The following WDHD1 variants were observed in gnomAD, a reference collection of about 807,000 sequenced individuals.
The protein encoded by WDHD1 is WD repeat and HMG-box DNA-binding protein 1.
A neutral mutation model predicts 135.4 loss-of-function variants in WDHD1; 111 were observed. That is an observed-to-expected ratio of 0.82 (90% CI 0.70 to 0.96). The LOEUF is 0.96. Ranked by LOEUF, WDHD1 falls within the 40% of genes least tolerant of loss-of-function variation. The pLI is 0.00. For synonymous variants in WDHD1, 434 were observed against 439.0 expected, an observed-to-expected ratio of 0.99 and a Z score of 0.14; for missense variants, 1,351 against 1,336.3, an observed-to-expected ratio of 1.01 and a Z score of -0.17.
intron 21 of WDHD1, among the ~76,000 whole-genome samples, chr14:54,958,194 T>C (rs1330053501): frequency 2.0e-5 from 3 of 151,030 alleles, no homozygotes; most frequent in Non-Finnish European, 4.4e-5. Flanking sequence ...TGGTGTGATC[T>C]CGGCTCACTG....
intron 15 of WDHD1, among the ~76,000 whole-genome samples, chr14:54,982,745 C>A (rs1404934850): frequency 6.6e-6 from 1 of 152,134 alleles, no homozygotes; most frequent in Non-Finnish European, 1.5e-5. Flanking sequence ...ATAGAAAACA[C>A]ATTTAGAAAT....
chr14:54,966,678 T>A, intron 17 of WDHD1, 72 bp from the exon 18 acceptor site: 1 of 1,442,312 alleles, frequency 6.9e-7, no homozygotes, highest in Non-Finnish European at 9.3e-7. Flanking sequence ...ATATTTATCT[T>A]AAGATACCAG....
At chr14:55,011,255 T>G (rs1409581367) in intron 3 of WDHD1, among the ~76,000 whole-genome samples, 1 of 152,032 alleles carries the variant, frequency 6.6e-6, no homozygotes, top group Non-Finnish European at 1.5e-5. Flanking sequence ...TGGGGCTGGG[T>G]GTGGTGGTTC....
chr14:55,001,084 T>G (rs1409797815), intron 8 of WDHD1, 92 bp from the exon 9 acceptor site: 2 of 867,280 alleles, frequency 2.3e-6, no homozygotes, highest in East Asian at 6.4e-5. Context: ...TTTTCATTTT[T>G]TTTCAAGAAT....
intron 24 of WDHD1, 86 bp from the exon 25 acceptor site, chr14:54,944,556 G>T: frequency 8.1e-7 from 1 of 1,240,570 alleles, no homozygotes. Flanking sequence ...TCAACCATAA[G>T]TCTCTGACAT....
chr14:54,943,687 C>T (rs12100717), intron 25 of WDHD1, among the ~76,000 whole-genome samples: 6,040 of 152,270 alleles, frequency 0.04, 394 homozygotes, highest in African/African-American at 0.14. Flanking sequence ...CTTGAGCCAA[C>T]GAACTCAGCT....
intron 6 of WDHD1, 144 bp downstream of exon 6, chr14:55,008,172 C>A: frequency 1.4e-6 from 1 of 718,422 alleles, no homozygotes. Flanking sequence ...ATACTGTGGA[C>A]TTTGATCACA....
At chr14:55,022,854 C>A (rs1006454847) in intron 2 of WDHD1, among the ~76,000 whole-genome samples, 1 of 136,526 alleles carries the variant, frequency 7.3e-6, no homozygotes, top group Non-Finnish European at 1.5e-5. Flanking sequence ...GATGGAGTTT[C>A]GCTCTTGATC....
intron 16 of WDHD1, among the ~76,000 whole-genome samples, chr14:54,978,407 A>AC (rs1279208402): frequency 6.6e-6 from 1 of 152,152 alleles, no homozygotes; most frequent in East Asian, 1.9e-4. Context: ...AGATGGTGAG[A>AC]CCCCATCTTT....
intron 16 of WDHD1, among the ~76,000 whole-genome samples, chr14:54,972,543 A>G (rs2041454158): frequency 7.3e-6 from 1 of 136,518 alleles, no homozygotes; most frequent in Admixed American, 7.8e-5. Flanking sequence ...GCAATAAAGC[A>G]AGACTGTCAC....
At chr14:54,983,628 G>A (rs1347652726) in intron 15 of WDHD1, among the ~76,000 whole-genome samples, 2 of 151,658 alleles carry the variant, frequency 1.3e-5, no homozygotes, top group Non-Finnish European at 2.9e-5. Context: ...AGCTGAGATC[G>A]CATCATTGCA....
rs1426714930 is a variant in WDHD1 at position 55,000,870 on chromosome 14, A to G, written c.800+16T>C. On this transcript the variant is annotated intron_variant, in intron 9 of 25. Transcript: ENST00000360586. ...GAGATGAGCAAAGAAGAGACAAAAG[A>G]TACACTAAATCATACCTTTCCATGC... is the stretch of plus-strand genomic sequence containing the variant. 4.0e-6 allele frequency: 6 copies of G among 1,492,576 alleles called. No homozygotes were observed. Among genetic ancestry groups the G allele is most frequent in the Non-Finnish European group, 5.4e-6 (6 of 1,114,964 alleles). 92.5% of individuals were successfully genotyped at this position (1,492,576 alleles called of 1,614,324 possible).
Position 54,987,240 on chromosome 14 carries a change from A to ATATT in WDHD1, c.1673_1674insAATA (p.Gly560TyrfsTer36). 1 of 1,614,176 alleles carries ATATT rather than the reference A, an allele frequency of 6.2e-7. No homozygotes were observed. Among genetic ancestry groups the ATATT allele is most frequent in the African/African-American group, 1.3e-5 (1 of 75,036 alleles). On this transcript the variant is annotated frameshift_variant, in exon 14 of 26. Transcript: ENST00000360586. LOFTEE classifies it high-confidence loss of function. ...ATACCTCTTTTTGAACCCCTCCAAT[A>ATATT]GTAAACAATCGAAGAAGCAGGGCAC...
At chr14:54,991,091 C>A in intron 12 of WDHD1, 122 bp downstream of exon 12, 1 of 548,670 alleles carries the variant, frequency 1.8e-6, no homozygotes, top group Non-Finnish European at 3.3e-6. Context: ...TGTAATCAAC[C>A]AAAGTGCTCC....
intron 24 of WDHD1, among the ~76,000 whole-genome samples, chr14:54,955,273 C>G (rs2041133590): frequency 6.6e-6 from 1 of 151,946 alleles, no homozygotes; most frequent in East Asian, 1.9e-4. Flanking sequence ...CTATTTCTCC[C>G]CATTAAACTA....
chr14:55,001,000 G>A lies in WDHD1; in HGVS notation c.694-8C>T. Reference sequence around the variant, plus strand: ...GGTTACTATATTGAGGGTCTGTAAAGAAAAACAGTTAATAAATAATGATTT... The same window carrying A: ...GGTTACTATATTGAGGGTCTGTAAAAAAAAACAGTTAATAAATAATGATTT... On this transcript the variant is annotated splice_polypyrimidine_tract_variant and splice_region_variant and intron_variant, in intron 8 of 25. Transcript: ENST00000360586. 6.8e-7 allele frequency: 1 copy of A among 1,468,924 alleles called. No individual in the cohort carries two copies. The highest frequency in any genetic ancestry group is 9.2e-7 in the Non-Finnish European group (1 of 1,089,744). 91.0% of individuals were successfully genotyped at this position (1,468,924 alleles called of 1,614,324 possible). A position where few individuals can be genotyped will look rare whatever the true frequency, so the allele number is the denominator to read the frequency against.
rs754238492 is a variant in WDHD1 at position 54,941,046 on chromosome 14, C to G, written c.*444G>C. ...CCAGTATTATTAAAAGACGTCATCC[C>G]CTAGGTCTAGTAGAAACATATAGAG... On this transcript the variant is annotated 3_prime_UTR_variant, in exon 26 of 26. Transcript: ENST00000360586. 3 of 152,394 alleles carry G rather than the reference C, an allele frequency of 2.0e-5. No homozygotes were observed. Among genetic ancestry groups the G allele is most frequent in the Non-Finnish European group, 2.9e-5 (2 of 68,246 alleles). 9.4% of individuals were successfully genotyped at this position (152,394 alleles called of 1,614,324 possible). A position where few individuals can be genotyped will look rare whatever the true frequency, so the allele number is the denominator to read the frequency against.
chr14:55,003,907 G>A (rs546909042), intron 7 of WDHD1, among the ~76,000 whole-genome samples: 338 of 152,198 alleles, frequency 2.2e-3, no homozygotes, highest in African/African-American at 7.6e-3. Flanking sequence ...TCATGTCTTT[G>A]CTCATCTTTC....
At chr14:55,019,265 A>C (rs1438132615) in intron 2 of WDHD1, among the ~76,000 whole-genome samples, 1 of 152,210 alleles carries the variant, frequency 6.6e-6, no homozygotes, top group Non-Finnish European at 1.5e-5. Context: ...TTTAGATCAT[A>C]TGTTTAATGT....
Sources: gnomAD v4.1 joint callset for allele counts (sites outside exome capture counted in the v4.1 genomes callset) on GRCh38, gnomAD v4.1.1 for gene constraint, MANE v1.5 for transcripts, NCBI Gene and HGNC (gene_info 2026-07-23, HGNC 2026-07-21) for gene names.